Variants in EPHB1 observed in about 807,000 individuals in gnomAD.
EPHB1 encodes EPH receptor B1.
EPHB1 carries 30 observed loss-of-function variants against 94.4 expected under a neutral mutation model. The ratio of observed to expected loss-of-function variants is 0.32; its 90% confidence interval spans 0.24 to 0.43. The LOEUF is 0.43. Among genes scored for constraint, EPHB1 ranks in the 20% least tolerant of loss-of-function variants. The pLI, the probability that EPHB1 is intolerant of heterozygous loss-of-function variation, is 1.00. For missense variants in EPHB1, 1,055 were observed against 1,308.3 expected, an observed-to-expected ratio of 0.81 and a Z score of 2.99; for synonymous variants, 522 against 489.1, an observed-to-expected ratio of 1.07 and a Z score of -0.89.
intron 10 of EPHB1, among the ~76,000 whole-genome samples, chr3:135,180,576 G>A (rs1025174068): frequency 1.3e-5 from 2 of 152,166 alleles, no homozygotes; most frequent in Non-Finnish European, 2.9e-5. Flanking sequence ...CAAGAAATGT[G>A]TGTGCCCTCA....
chr3:135,087,023 C>T (rs769250062), intron 3 of EPHB1, among the ~76,000 whole-genome samples: 37 of 152,156 alleles, frequency 2.4e-4, no homozygotes, highest in Non-Finnish European at 2.4e-4. Context: ...AAAATAAAAC[C>T]AGTACCTTTA....
chr3:134,901,913 CAT>C (rs1183401671), intron 1 of EPHB1, among the ~76,000 whole-genome samples: 2 of 152,208 alleles, frequency 1.3e-5, no homozygotes, highest in African/African-American at 4.8e-5. Context: ...GTGGATGTGA[CAT>C]ATTCAGCACC....
chr3:134,800,969 A>C (rs2035923602), intron 1 of EPHB1, among the ~76,000 whole-genome samples: 1 of 152,210 alleles, frequency 6.6e-6, no homozygotes, highest in Non-Finnish European at 1.5e-5. Context: ...TCTGTAGTCT[A>C]TATTTTTAGC....
chr3:135,156,470 G>A (rs1268289445), intron 6 of EPHB1, among the ~76,000 whole-genome samples: 1 of 152,178 alleles, frequency 6.6e-6, no homozygotes, highest in African/African-American at 2.4e-5. Context: ...CAGCTAACCA[G>A]CCATGGAGCT....
chr3:135,146,408 G>A (rs1941012256), intron 5 of EPHB1, among the ~76,000 whole-genome samples: 1 of 152,216 alleles, frequency 6.6e-6, no homozygotes, highest in Non-Finnish European at 1.5e-5. Context: ...AGTACATGAG[G>A]CACAATGAGA....
At chr3:135,183,771 G>C (rs866606361) in intron 10 of EPHB1, among the ~76,000 whole-genome samples, 4 of 152,206 alleles carry the variant, frequency 2.6e-5, no homozygotes, top group African/African-American at 9.6e-5. Context: ...GGGAAAGAAA[G>C]TTGCTGGAGA....
intron 5 of EPHB1, among the ~76,000 whole-genome samples, chr3:135,142,559 T>C (rs1203001165): frequency 6.6e-6 from 1 of 152,046 alleles, no homozygotes; most frequent in Non-Finnish European, 1.5e-5. Context: ...ATGCATTGGG[T>C]GGAAGTAAAG....
intron 13 of EPHB1, among the ~76,000 whole-genome samples, chr3:135,245,462 T>C (rs1252925714): frequency 1.8e-5 from 2 of 112,782 alleles, no homozygotes; most frequent in African/African-American, 7.5e-5. Flanking sequence ...AAAAAGAAAG[T>C]AAACACACCA....
chr3:135,017,409 T>C (rs1169361946), intron 3 of EPHB1, among the ~76,000 whole-genome samples: 3 of 152,154 alleles, frequency 2.0e-5, no homozygotes. Flanking sequence ...ATAGTGTGCG[T>C]GTGTGAGTGA....
chr3:134,796,870 C>T (rs2035839444), intron 1 of EPHB1, among the ~76,000 whole-genome samples: 1 of 152,242 alleles, frequency 6.6e-6, no homozygotes, highest in African/African-American at 2.4e-5. Context: ...GCGTTCCCAT[C>T]TGGGAGCTCG....
intron 1 of EPHB1, among the ~76,000 whole-genome samples, chr3:134,858,023 C>T (rs1056414197): frequency 2.6e-5 from 4 of 152,168 alleles, no homozygotes; most frequent in Non-Finnish European, 5.9e-5. Context: ...AAGCATGGCA[C>T]CACCTTAGCA....
chr3:135,247,765 C>CAAAT (rs1420422373), intron 13 of EPHB1, among the ~76,000 whole-genome samples: 1 of 152,190 alleles, frequency 6.6e-6, no homozygotes, highest in Non-Finnish European at 1.5e-5. Flanking sequence ...AGGAATATGG[C>CAAAT]AAATAATGCA....
intron 1 of EPHB1, among the ~76,000 whole-genome samples, chr3:134,807,895 G>T (rs1041707116): frequency 4.6e-5 from 7 of 152,256 alleles, no homozygotes; most frequent in African/African-American, 1.7e-4. Flanking sequence ...ACAGAGAAAT[G>T]CAGCTGCTGC....
At chr3:135,166,669 C>G (rs1255178960) in intron 8 of EPHB1, among the ~76,000 whole-genome samples, 3 of 152,228 alleles carry the variant, frequency 2.0e-5, no homozygotes, top group Non-Finnish European at 4.4e-5. Flanking sequence ...CACCTCTGCC[C>G]CCATCAGCAC....
intron 4 of EPHB1, among the ~76,000 whole-genome samples, chr3:135,129,933 G>T (rs572521269): frequency 6.6e-6 from 1 of 152,250 alleles, no homozygotes; most frequent in East Asian, 1.9e-4. Context: ...TATGAGGGGT[G>T]AAGGTCAACT....
chr3:135,186,725 GT>G (rs1942340146), intron 10 of EPHB1, among the ~76,000 whole-genome samples: 1 of 152,188 alleles, frequency 6.6e-6, no homozygotes, highest in Non-Finnish European at 1.5e-5. Flanking sequence ...ACATACAATA[GT>G]TGAGGCATTT....
At chr3:134,953,401 G>C (rs926624305) in intron 3 of EPHB1, among the ~76,000 whole-genome samples, 1 of 152,244 alleles carries the variant, frequency 6.6e-6, no homozygotes, top group African/African-American at 2.4e-5. Flanking sequence ...GGATTGTGTG[G>C]AAACAAAGGA....
chr3:134,871,905 A>G (rs553339082), intron 1 of EPHB1, among the ~76,000 whole-genome samples: 2 of 152,312 alleles, frequency 1.3e-5, no homozygotes, highest in East Asian at 3.9e-4. Context: ...TCCCTCATCC[A>G]GAGGCTCTGA....
At chr3:134,930,267 T>G (rs1408160350) in intron 2 of EPHB1, among the ~76,000 whole-genome samples, 1 of 152,260 alleles carries the variant, frequency 6.6e-6, no homozygotes, top group Non-Finnish European at 1.5e-5. Context: ...ATTCTCAGTT[T>G]TATTGTTGAA....
Sources: allele counts gnomAD v4.1 joint callset (sites outside exome capture counted in the v4.1 genomes callset), GRCh38; gene constraint gnomAD v4.1.1; transcripts MANE v1.5; gene names NCBI Gene and HGNC (gene_info 2026-07-23, HGNC 2026-07-21).